The following RANBP2 variants were observed in gnomAD, a reference collection of about 807,000 sequenced individuals.
RANBP2 encodes the protein E3 SUMO-protein ligase RanBP2.
In RANBP2, 57 loss-of-function variants were observed where a neutral mutation model predicts 303.6. The observed-to-expected ratio is 0.19, with a 90% confidence interval of 0.15 to 0.23. RANBP2 has a LOEUF of 0.23. Among genes scored for constraint, RANBP2 ranks in the 10% least tolerant of loss-of-function variants. RANBP2 has a pLI of 1.00. For synonymous variants in RANBP2, 1,167 were observed against 1,301.5 expected (o/e 0.90, Z 2.23); for missense variants, 3,138 against 3,780.8 (o/e 0.83, Z 4.46).
chr2:108,906,511 CCTGACACA>C, the RANBP2 span: 1 of 862,172 alleles, frequency 1.2e-6, no homozygotes, highest in Non-Finnish European at 1.9e-6. Flanking sequence ...GCAGCCCAGC[CCTGACACA>C]CAGGGAGGAG....
the RANBP2 span, among the ~76,000 whole-genome samples, chr2:108,914,542 C>CA: frequency 6.6e-6 from 1 of 152,202 alleles, no homozygotes; most frequent in Non-Finnish European, 1.5e-5. Flanking sequence ...TGCTCTCAGT[C>CA]AAATCACTAA....
the RANBP2 span, among the ~76,000 whole-genome samples, chr2:108,974,296 C>CTA: frequency 2.6e-3 from 309 of 118,658 alleles, no homozygotes; most frequent in African/African-American, 9.9e-3. Flanking sequence ...CACCACTGCA[C>CTA]TATAGCCTGG....
At chr2:109,704,827 G>A in the RANBP2 span, among the ~76,000 whole-genome samples, 1 of 152,078 alleles carries the variant, frequency 6.6e-6, no homozygotes, top group Non-Finnish European at 1.5e-5. Flanking sequence ...CTCCAGCCTG[G>A]GTGACAGGAA....
At chr2:109,213,251 C>T in the RANBP2 span, among the ~76,000 whole-genome samples, 144 of 152,280 alleles carry the variant, frequency 9.5e-4, 4 homozygotes, top group East Asian at 0.025. Flanking sequence ...GTGATGTACT[C>T]AGGACATGGC....
the RANBP2 span, among the ~76,000 whole-genome samples, chr2:109,228,500 A>G: frequency 4.6e-4 from 70 of 152,296 alleles, no homozygotes; most frequent in East Asian, 0.013. Context: ...GCAGATGCCA[A>G]CTGGGTATTC....
chr2:109,700,950 G>A, the RANBP2 span, among the ~76,000 whole-genome samples: 19 of 152,284 alleles, frequency 1.2e-4, no homozygotes, highest in South Asian at 4.1e-4. Context: ...GCAAAAGAGC[G>A]TTTGTGAATG....
At chr2:109,128,210 TC>T in the RANBP2 span, 1 of 152,184 alleles carries the variant, frequency 6.6e-6, no homozygotes, top group African/African-American at 2.4e-5. Flanking sequence ...CCGCCAAACT[TC>T]CCTGCTGCTC....
the RANBP2 span, among the ~76,000 whole-genome samples, chr2:109,433,526 A>G: frequency 6.6e-6 from 1 of 152,234 alleles, no homozygotes; most frequent in African/African-American, 2.4e-5. Context: ...TTGACACTGC[A>G]GGACACACAC....
chr2:109,158,007 T>C, the RANBP2 span, among the ~76,000 whole-genome samples: 1 of 152,148 alleles, frequency 6.6e-6, no homozygotes, highest in Non-Finnish European at 1.5e-5. Flanking sequence ...GCCCGTGGTA[T>C]GTTCTAGTTC....
intron 25 of RANBP2, among the ~76,000 whole-genome samples, chr2:108,779,163 GT>G (rs1243214026): frequency 6.7e-6 from 1 of 149,866 alleles, no homozygotes; most frequent in African/African-American, 2.5e-5. Flanking sequence ...AAGAATTTTT[GT>G]CTTTCTGTCT....
the RANBP2 span, among the ~76,000 whole-genome samples, chr2:109,211,628 G>A: frequency 2.0e-5 from 3 of 150,500 alleles, no homozygotes; most frequent in Admixed American, 6.7e-5. Context: ...TGAGCCCTTC[G>A]GCCCTTCCTG....
chr2:108,721,697 T>C (rs1040682228), intron 1 of RANBP2, among the ~76,000 whole-genome samples: 3 of 152,092 alleles, frequency 2.0e-5, no homozygotes, highest in African/African-American at 7.2e-5. Context: ...TTTCCCCGCC[T>C]CCACTTCCCA....
At chr2:108,868,338 CA>C in the RANBP2 span, among the ~76,000 whole-genome samples, 1 of 152,138 alleles carries the variant, frequency 6.6e-6, no homozygotes. Flanking sequence ...GTTATGTCTT[CA>C]GGTAATCTTT....
the RANBP2 span, among the ~76,000 whole-genome samples, chr2:109,134,924 A>G: frequency 6.6e-6 from 1 of 152,202 alleles, no homozygotes; most frequent in Non-Finnish European, 1.5e-5. Flanking sequence ...AGGCAGCTCT[A>G]TTAATATGTA....
the RANBP2 span, among the ~76,000 whole-genome samples, chr2:109,592,512 G>A: frequency 2.4e-4 from 36 of 150,640 alleles, no homozygotes; most frequent in Non-Finnish European, 3.2e-4. Context: ...AGGGCTGGGC[G>A]CAGTGGCCTG....
the RANBP2 span, among the ~76,000 whole-genome samples, chr2:108,836,277 G>A: frequency 3.0e-3 from 456 of 152,182 alleles, 4 homozygotes; most frequent in African/African-American, 0.011. Flanking sequence ...TTTGTGACTG[G>A]CTTATTTCAC....
At chr2:108,758,221 C>T (rs1012813894) in intron 17 of RANBP2, among the ~76,000 whole-genome samples, 192 bp from the exon 18 acceptor site, 7 of 150,318 alleles carry the variant, frequency 4.7e-5, no homozygotes, top group African/African-American at 1.7e-4. Flanking sequence ...TGCTTGAGCC[C>T]AGGAGGTGGA....
chr2:108,733,345 A>C (rs1258744000), intron 4 of RANBP2, among the ~76,000 whole-genome samples: 3 of 134,788 alleles, frequency 2.2e-5, no homozygotes, highest in African/African-American at 5.8e-5. Flanking sequence ...GGCTCACTGC[A>C]ACTTCTGCCT....
At chr2:108,849,953 C>A in the RANBP2 span, among the ~76,000 whole-genome samples, 24 of 152,286 alleles carry the variant, frequency 1.6e-4, 1 homozygote, top group Middle Eastern at 3.4e-3. Flanking sequence ...GCACACAAGA[C>A]CTGGGGCTAG....
Sources: gnomAD v4.1 joint callset for allele counts (sites outside exome capture counted in the v4.1 genomes callset) on GRCh38, gnomAD v4.1.1 for gene constraint, MANE v1.5 for transcripts, NCBI Gene and HGNC (gene_info 2026-07-23, HGNC 2026-07-21) for gene names.